TECPR2: variants seen among roughly 807,000 people sequenced by gnomAD.
The protein encoded by TECPR2 is tectonin beta-propeller repeat containing 2, also known as tectonin beta-propeller repeat-containing protein 2.
Under a neutral mutation model 138.1 loss-of-function variants are expected in TECPR2, and 65 were observed. The ratio of observed to expected loss-of-function variants is 0.47; its 90% CI spans 0.39 to 0.58. The LOEUF is 0.58. Among genes scored for constraint, TECPR2 ranks in the 20% least tolerant of loss-of-function variants. The pLI, the probability that TECPR2 is intolerant of heterozygous loss-of-function variation, is 0.00. For missense variants in TECPR2, 1,553 were observed against 1,824.5 expected, an observed-to-expected ratio of 0.85 and a Z score of 2.71; for synonymous variants, 746 against 749.8, an observed-to-expected ratio of 0.99 and a Z score of 0.08.
At chr14:102,408,464 T>G (rs768963220) in intron 3 of TECPR2, 24 bp from the exon 4 acceptor site, 1 of 1,586,536 alleles carries the variant, frequency 6.3e-7, no homozygotes, top group Non-Finnish European at 8.5e-7. Flanking sequence ...TTTTCTTGTG[T>G]ATATTTTTAT....
At position 102,496,968 on chromosome 14, in the gene TECPR2, C is replaced by G; in HGVS notation, c.3790-11C>G. ...CTCCTGCCTTCCCTGAAAGTCCCTT[C>G]CCGCTTCCAGCCCGCCGGGGTCAGC... On this transcript the variant is annotated splice_polypyrimidine_tract_variant and intron_variant, in intron 17 of 19. Coordinates refer to ENST00000359520, the MANE Select transcript of TECPR2 (RefSeq NM_014844.5). The G allele has an allele frequency of 6.2e-7, 1 of 1,612,904 alleles. No homozygotes were observed. The highest frequency in any genetic ancestry group is 2.2e-5 in the East Asian group (1 of 44,882).
At chr14:102,487,687 G>A (rs980442544) in intron 17 of TECPR2, among the ~76,000 whole-genome samples, 13 of 150,926 alleles carry the variant, frequency 8.6e-5, no homozygotes, top group South Asian at 2.1e-4. Flanking sequence ...GACTACAGGC[G>A]CCCGCCACCA....
chr14:102,459,219 C>T (rs1890348461), intron 16 of TECPR2, among the ~76,000 whole-genome samples: 1 of 152,102 alleles, frequency 6.6e-6, no homozygotes, highest in Non-Finnish European at 1.5e-5. Context: ...CTGCATGCAG[C>T]TGCACCAGCA....
chr14:102,467,466 A>G (rs1388879345), intron 17 of TECPR2, among the ~76,000 whole-genome samples: 1 of 151,922 alleles, frequency 6.6e-6, no homozygotes, highest in East Asian at 1.9e-4. Context: ...CTGAGATTAC[A>G]GGCATGCACC....
At chr14:102,389,215 A>G (rs1319665902) in intron 2 of TECPR2, among the ~76,000 whole-genome samples, 1 of 151,962 alleles carries the variant, frequency 6.6e-6, no homozygotes, top group East Asian at 1.9e-4. Context: ...AATCCCAGCT[A>G]CTTGGGAGGC....
chr14:102,448,013 T>C (rs537648123), intron 13 of TECPR2, among the ~76,000 whole-genome samples: 2 of 152,356 alleles, frequency 1.3e-5, no homozygotes, highest in African/African-American at 4.8e-5. Context: ...ATGTACATTA[T>C]ATACAGATGT....
intron 15 of TECPR2, 60 bp downstream of exon 15, chr14:102,450,709 C>T (rs1890117179): frequency 6.4e-7 from 1 of 1,550,700 alleles, no homozygotes; most frequent in Non-Finnish European, 8.9e-7. Flanking sequence ...TGGAAAGGTT[C>T]AAACCACAGT....
chr14:102,406,419 G>T (rs1006331670), intron 2 of TECPR2, among the ~76,000 whole-genome samples: 4 of 152,112 alleles, frequency 2.6e-5, no homozygotes, highest in African/African-American at 9.7e-5. Flanking sequence ...GGTGGCGGGC[G>T]CCTGTGGTCC....
intron 5 of TECPR2, among the ~76,000 whole-genome samples, chr14:102,422,322 C>T (rs1889205334): frequency 6.6e-6 from 1 of 152,218 alleles, no homozygotes; most frequent in Admixed American, 6.5e-5. Flanking sequence ...GAAACTGCGA[C>T]ATTAGCAAAA....
chr14:102,469,301 T>C, intron 17 of TECPR2, among the ~76,000 whole-genome samples: 1 of 152,210 alleles, frequency 6.6e-6, no homozygotes, highest in East Asian at 1.9e-4. Flanking sequence ...CTGCTTTTGT[T>C]AGGTTTATTT....
chr14:102,434,334 C>T lies in TECPR2; in HGVS notation c.1517C>T (p.Ser506Leu), dbSNP rs368211138. ...SPQSLNTDLL[S>L]MTSSVLGSSV... ...CAGTCCTTGAACACAGACTTGCTGT[C>T]GATGACCTCAAGTGTCCTGGGCAGT... Residue 506 changes from serine to leucine, a missense_variant, in exon 9 of 20, where the codon TCG becomes TTG. Coordinates refer to ENST00000359520, the MANE Select transcript of TECPR2 (RefSeq NM_014844.5). 4 of 1,464,782 alleles carry T rather than the reference C, an allele frequency of 2.7e-6. No individual in the cohort carries two copies. Among genetic ancestry groups the T allele is most frequent in the South Asian group, 1.7e-5 (1 of 60,344 alleles). 90.7% of individuals were successfully genotyped at this position (1,464,782 alleles called of 1,614,324 possible).
At position 102,431,579 on chromosome 14, in the gene TECPR2, T is replaced by C. The variant is rs1012185727; in HGVS notation, c.1085-217T>C. Among the ~76,000 whole-genome samples, 6 of 152,246 alleles carry C rather than the reference T, an allele frequency of 3.9e-5. No individual in the cohort carries two copies. In the East Asian group the frequency reaches 5.8e-4, roughly 15 times the overall value. On this transcript the variant is annotated intron_variant, in intron 7 of 19. Coordinates refer to ENST00000359520, the MANE Select transcript of TECPR2 (RefSeq NM_014844.5). ...GGATGGTCTTGATCTCCTGACCTTG[T>C]GATCCGCCCGCCTTGGCCTCCCAAA... is the stretch of plus-strand genomic sequence containing the variant.
intron 9 of TECPR2, 78 bp downstream of exon 9, chr14:102,435,289 C>T: frequency 6.7e-7 from 1 of 1,493,328 alleles, no homozygotes; most frequent in South Asian, 1.3e-5. Flanking sequence ...TGATTATTTT[C>T]CTTCTCATGG....
At chr14:102,477,883 C>T (rs1217608578) in intron 17 of TECPR2, among the ~76,000 whole-genome samples, 2 of 132,526 alleles carry the variant, frequency 1.5e-5, no homozygotes, top group East Asian at 2.2e-4. Flanking sequence ...TGCAGTGAGC[C>T]GAGATCGCAC....
intron 2 of TECPR2, among the ~76,000 whole-genome samples, chr14:102,390,532 G>C (rs1005889527): frequency 6.6e-6 from 1 of 152,160 alleles, no homozygotes; most frequent in Non-Finnish European, 1.5e-5. Context: ...AAGAGAATGT[G>C]TGTGGCAGAA....
rs112475474 is a variant in TECPR2 at position 102,400,132 on chromosome 14, G to A, written c.220-7206G>A. Among the ~76,000 whole-genome samples the A allele has an allele frequency of 8.7e-5, 13 of 150,180 alleles. No individual in the cohort carries two copies. In the East Asian group the frequency reaches 2.4e-3, roughly 27 times the overall value. ...GTGATATGGGCTCACTGCAACATCT[G>A]CCTCCCGGGTTCAAGTGATTCTTGT... On this transcript the variant is annotated intron_variant, in intron 2 of 19. Coordinates refer to ENST00000359520, the MANE Select transcript of TECPR2 (RefSeq NM_014844.5).
At chr14:102,447,164 T>C (rs1890005560) in intron 13 of TECPR2, among the ~76,000 whole-genome samples, 1 of 152,210 alleles carries the variant, frequency 6.6e-6, no homozygotes, top group East Asian at 1.9e-4. Flanking sequence ...TTTTCTTTTC[T>C]TTTTTTCTGG....
chr14:102,455,101 G>A (rs969842210), intron 16 of TECPR2, among the ~76,000 whole-genome samples: 4 of 152,194 alleles, frequency 2.6e-5, no homozygotes, highest in East Asian at 1.9e-4. Context: ...AGTCTCAAGA[G>A]TGTGAGGGAA....
intron 2 of TECPR2, among the ~76,000 whole-genome samples, chr14:102,384,241 C>G (rs1336295275): frequency 6.6e-6 from 1 of 151,410 alleles, no homozygotes; most frequent in Non-Finnish European, 1.5e-5. Context: ...TATTTTTTTA[C>G]TATTTTTAAT....
Sources: gnomAD v4.1 joint callset for allele counts (sites outside exome capture counted in the v4.1 genomes callset) on GRCh38, gnomAD v4.1.1 for gene constraint, MANE v1.5 for transcripts, NCBI Gene and HGNC (gene_info 2026-07-23, HGNC 2026-07-21) for gene names.